Variants in F11 observed in about 807,000 individuals in gnomAD.
F11 encodes coagualtion factor XI.
Under a neutral mutation model 76.5 loss-of-function variants are expected in F11, and 78 were observed. That is an observed-to-expected ratio of 1.02 (90% CI 0.85 to 1.23). F11 has a LOEUF of 1.23. Ranked by LOEUF, F11 falls within the 50% of genes most tolerant of loss-of-function variation. The probability of loss-of-function intolerance (pLI) is 0.00; values close to 1 mark genes in which losing one functional copy is unlikely to be tolerated. For synonymous variants in F11, 278 were observed against 276.3 expected (o/e 1.01, Z -0.06); for missense variants, 742 against 771.4 (o/e 0.96, Z 0.45).
rs537684186 is a variant in F11, at chr4:186,280,455, G to A, written c.1029-19G>A. On this transcript the variant is annotated intron_variant, in intron 9 of 14. Transcript: ENST00000403665. ...CTGTGAGGTGCATTATGTTTATACC[G>A]TTTTGTTTCCAACTGCAGGGGCAAG... 130 of 1,614,084 alleles carry A rather than the reference G, an allele frequency of 8.1e-5. No individual in the cohort carries two copies. The highest frequency in any genetic ancestry group is 1.3e-4 in the East Asian group (6 of 44,892).
At chr4:186,283,346 G>C (rs1740936254) in intron 10 of F11, among the ~76,000 whole-genome samples, 1 of 152,102 alleles carries the variant, frequency 6.6e-6, no homozygotes, top group Non-Finnish European at 1.5e-5. Context: ...GTGGGTTCTT[G>C]TGTCGGGCAT....
Position 186,279,481 on chromosome 4 carries a change from T to C in F11, c.756-531T>C, listed in dbSNP as rs190504573. 5.3e-5 allele frequency among the ~76,000 whole-genome samples: 8 copies of C among 152,316 alleles called. No individual in the cohort carries two copies. In the East Asian group the frequency reaches 1.5e-3, roughly 29 times the overall value. ...ATAGCCACATGTAGTTGGCAGTTAC[T>C]GTATTGGATGGCACAGGCATAGAAT... On this transcript the variant is annotated intron_variant, in intron 7 of 14. Coordinates refer to ENST00000403665, the MANE Select transcript of F11 (RefSeq NM_000128.4).
chr4:186,280,852 CTTTCTTTTTTTTT>C (rs895773475), intron 10 of F11, among the ~76,000 whole-genome samples: 3 of 124,274 alleles, frequency 2.4e-5, no homozygotes, highest in African/African-American at 9.4e-5. Context: ...TGTTTTCTTT[CTTTCTTTTTTTTT>C]TTTTTTTTTT....
rs143588436 is a variant in F11 at position 186,288,578 on chromosome 4, C to T, written c.1842C>T (p.Tyr614=). 48 of 1,614,038 alleles carry T rather than the reference C, an allele frequency of 3.0e-5. No individual in the cohort carries two copies. The highest frequency in any genetic ancestry group is 3.8e-5 in the Non-Finnish European group (45 of 1,180,038). Residue 614 remains tyrosine (Y), a synonymous_variant, in exon 15 of 15, where the codon TAC becomes TAT. Coordinates refer to ENST00000403665, the MANE Select transcript of F11 (RefSeq NM_000128.4). ...GTGTTTACACCAACGTGGTCGAGTA[C>T]GTGGACTGGATTCTGGAGAAAACTC... is the stretch of plus-strand genomic sequence containing the variant. ...RPGVYTNVVE[Y]VDWILEKTQA... is the part of the protein sequence containing the mutation.
rs375613777 is a variant in F11 at position 186,278,904 on chromosome 4, TAG to T, written c.756-1106_756-1105del. Among the ~76,000 whole-genome samples, 21 of 152,320 alleles carry T rather than the reference TAG, an allele frequency of 1.4e-4. No individual in the cohort carries two copies. The South Asian group carries it at 4.2e-3, about 30-fold the overall frequency. On this transcript the variant is annotated intron_variant, in intron 7 of 14. Coordinates refer to ENST00000403665, the MANE Select transcript of F11 (RefSeq NM_000128.4). ...ATCAAGCCTTGGGACATTGGAAGTTTAGAAATAAGAAAGATGTCATTGTCACT... is the reference window on the plus strand; with the variant it reads ...ATCAAGCCTTGGGACATTGGAAGTTTAAATAAGAAAGATGTCATTGTCACT...
Position 186,284,170 on chromosome 4 carries a change from T to G in F11, c.1214T>G (p.Leu405Arg). The G allele has an allele frequency of 6.2e-7, 1 of 1,614,220 alleles. No individual in the cohort carries two copies. Among genetic ancestry groups the G allele is most frequent in the Non-Finnish European group, 8.5e-7 (1 of 1,180,034 alleles). ...GGTGAGTGGCCGTGGCAGGTGACCC[T>G]GCACACAACCTCACCCACTCAGAGA... ...VRGEWPWQVT[L>R]HTTSPTQRHL... The change falls in exon 11 of 15, where the codon CTG (leucine) becomes CGG (arginine). Residue 405 changes from leucine (L) to arginine (R), a missense_variant. Coordinates refer to ENST00000403665, the MANE Select transcript of F11 (RefSeq NM_000128.4).
rs33985758 is a variant in F11, at chr4:186,280,856, CTT to C, written c.1135+295_1135+296del. ...CCTGGCATTTCTGTTTTCTTTCTTT[CTT>C]TTTTTTTTTTTTTTTTTTGAGACAC... On this transcript the variant is annotated intron_variant, in intron 10 of 14. Transcript: ENST00000403665. 0.041 allele frequency among the ~76,000 whole-genome samples: 4,394 copies of C among 108,194 alleles called. 41 individuals are homozygous for C. Among genetic ancestry groups the C allele is most frequent in the Non-Finnish European group, 0.055 (2,998 of 54,124 alleles). The allele number at this position is 108,194 out of a possible 152,430, so 71.0% of individuals were successfully genotyped here.
At chr4:186,282,732 A>G in intron 10 of F11, 1 of 985,278 alleles carries the variant, frequency 1.0e-6, no homozygotes, top group South Asian at 4.7e-5. Context: ...CTCCAAAATG[A>G]ATGTTCACCC....
chr4:186,289,432 T>C lies in F11; in HGVS notation c.*818T>C, dbSNP rs1741437258. Among the ~76,000 whole-genome samples the C allele has an allele frequency of 6.6e-6, 1 of 152,158 alleles. No individual in the cohort carries two copies. Among genetic ancestry groups the C allele is most frequent in the East Asian group, 1.9e-4 (1 of 5,188 alleles). ...GACTATGGGCTCCCAAAGAGCTAGA[T>C]CGTATATTTATTTGACAAAAATCAC... On this transcript the variant is annotated 3_prime_UTR_variant, in exon 15 of 15. Coordinates refer to ENST00000403665, the MANE Select transcript of F11 (RefSeq NM_000128.4).
Position 186,271,744 on chromosome 4 carries a change from A to T in F11, c.191A>T (p.Glu64Val). 2.5e-6 allele frequency: 4 copies of T among 1,614,194 alleles called. No homozygotes were observed. Among genetic ancestry groups the T allele is most frequent in the Non-Finnish European group, 3.4e-6 (4 of 1,180,034 alleles). The change falls in exon 3 of 15, where the codon GAA becomes GTA. Residue 64 changes from glutamate to valine, a missense_variant. Physicochemically the swap from Glu to Val is moderately radical, Grantham distance 121. Transcript: ENST00000403665. ...PRCLLFTFTA[E>V]SPSEDPTRWF... ...TGTTTACTCTTCACTTTCACGGCGG[A>T]ATCACCATCTGAGGATCCCACCCGA...
chr4:186,276,041 C>T, intron 6 of F11, 145 bp downstream of exon 6: 1 of 922,170 alleles, frequency 1.1e-6, no homozygotes, highest in Admixed American at 2.1e-5. Flanking sequence ...TTCATCATGT[C>T]CTATACAGTT....
chr4:186,269,647 G>A (rs1480540961), intron 2 of F11, among the ~76,000 whole-genome samples: 2 of 152,164 alleles, frequency 1.3e-5, no homozygotes, highest in African/African-American at 4.8e-5. Flanking sequence ...GCATCAGCTG[G>A]CGAAGTTGAA....
chr4:186,272,985 T>C (rs1417504330), intron 3 of F11, 86 bp from the exon 4 acceptor site: 3 of 846,150 alleles, frequency 3.5e-6, no homozygotes, highest in Non-Finnish European at 5.8e-6. Context: ...TTCCTTCTTT[T>C]TGGCTTTCTG....
chr4:186,275,781 A>G lies in F11; in HGVS notation c.486-6A>G. ...TAAGACACTTTTCCTTTTTCTTTTT[A>G]TTCAGTAACATTTGTCTACTGAAGC... On this transcript the variant is annotated splice_polypyrimidine_tract_variant and splice_region_variant and intron_variant, in intron 5 of 14. Transcript: ENST00000403665. The G allele has an allele frequency of 1.3e-6, 2 of 1,597,732 alleles. No individual in the cohort carries two copies. The highest frequency in any genetic ancestry group is 1.1e-5 in the South Asian group (1 of 90,212).
chr4:186,290,146 G>GT (rs1741475352), downstream of F11, among the ~76,000 whole-genome samples: 1 of 152,162 alleles, frequency 6.6e-6, no homozygotes, highest in Middle Eastern at 3.2e-3. Context: ...GCTGAAATGA[G>GT]TGGCTGCACC....
chr4:186,285,830 C>A lies in F11; in HGVS notation c.1480+17C>A. On this transcript the variant is annotated intron_variant, in intron 12 of 14. Transcript: ENST00000403665. ...ATTACACAGGTACGGAGAATTTTAT[C>A]CGGAAAGTTGTCTCCAATGGTGAAC... The A allele has an allele frequency of 6.2e-7, 1 of 1,613,946 alleles. No homozygotes were observed. Among genetic ancestry groups the A allele is most frequent in the Non-Finnish European group, 8.5e-7 (1 of 1,179,876 alleles).
chr4:186,272,763 A>G (rs892046490), intron 3 of F11, among the ~76,000 whole-genome samples: 1 of 152,256 alleles, frequency 6.6e-6, no homozygotes, highest in Non-Finnish European at 1.5e-5. Context: ...TTGAAAATAT[A>G]AAAATCATTT....
intron 4 of F11, among the ~76,000 whole-genome samples, chr4:186,273,459 CT>C (rs778708173): frequency 4.7e-4 from 69 of 146,878 alleles, no homozygotes; most frequent in South Asian, 6.5e-4. Flanking sequence ...AAATGAAAGT[CT>C]TTTTTTTTTT....
At chr4:186,281,217 A>C (rs750251318) in intron 10 of F11, among the ~76,000 whole-genome samples, 1 of 152,206 alleles carries the variant, frequency 6.6e-6, no homozygotes, top group Non-Finnish European at 1.5e-5. Context: ...CAAGGCCAGT[A>C]ATCTTTCCTA....
Sources: allele counts gnomAD v4.1 joint callset (sites outside exome capture counted in the v4.1 genomes callset), GRCh38; gene constraint gnomAD v4.1.1; transcripts MANE v1.5; gene names NCBI Gene and HGNC (gene_info 2026-07-23, HGNC 2026-07-21).